Variants in CDYL2 observed in about 807,000 individuals in gnomAD.
CDYL2 encodes the protein chromodomain Y-like protein 2.
Under a neutral mutation model 49.4 loss-of-function variants are expected in CDYL2, and 23 were observed. That is an observed-to-expected ratio of 0.47 (90% CI 0.34 to 0.66). CDYL2 has a LOEUF of 0.66. Among genes scored for constraint, CDYL2 ranks in the 30% least tolerant of loss-of-function variants. The probability of loss-of-function intolerance (pLI) is 0.01; values close to 1 mark genes in which losing one functional copy is unlikely to be tolerated. For missense variants in CDYL2, 678 were observed against 656.4 expected, an observed-to-expected ratio of 1.03 and a Z score of -0.36; for synonymous variants, 360 against 268.8, an observed-to-expected ratio of 1.34 and a Z score of -3.32.
At chr16:80,763,956 G>C (rs1400563798) in intron 1 of CDYL2, among the ~76,000 whole-genome samples, 1 of 152,144 alleles carries the variant, frequency 6.6e-6, no homozygotes, top group East Asian at 1.9e-4. Flanking sequence ...AGGGGGTAGA[G>C]AGGGAAAGAG....
intron 3 of CDYL2, among the ~76,000 whole-genome samples, chr16:80,624,884 T>G (rs1121650): frequency 0.088 from 13,316 of 152,174 alleles, 1,847 homozygotes; most frequent in African/African-American, 0.3. Flanking sequence ...CCTGAAGTAA[T>G]TGACCAAAAC....
chr16:80,671,268 C>T (rs7190973), intron 2 of CDYL2, among the ~76,000 whole-genome samples: 1 of 152,012 alleles, frequency 6.6e-6, no homozygotes. Context: ...TACAGAGTTA[C>T]GGACAAGCCA....
At chr16:80,670,348 G>C (rs963037493) in intron 2 of CDYL2, among the ~76,000 whole-genome samples, 12 of 152,234 alleles carry the variant, frequency 7.9e-5, no homozygotes, top group African/African-American at 2.4e-4. Context: ...CATGAGATCT[G>C]ATGGTTTTAT....
At chr16:80,798,632 G>A (rs745749647) in intron 1 of CDYL2, among the ~76,000 whole-genome samples, 5 of 152,050 alleles carry the variant, frequency 3.3e-5, no homozygotes, top group Non-Finnish European at 5.9e-5. Flanking sequence ...TATGTTATCA[G>A]TAAGACTTCC....
At chr16:80,630,639 T>A (rs1193978316) in intron 3 of CDYL2, among the ~76,000 whole-genome samples, 2 of 152,034 alleles carry the variant, frequency 1.3e-5, no homozygotes, top group African/African-American at 4.8e-5. Context: ...ATGCTTCTGT[T>A]ACAGGCGGAG....
intron 1 of CDYL2, among the ~76,000 whole-genome samples, chr16:80,786,168 G>T (rs1486896235): frequency 1.3e-5 from 2 of 152,270 alleles, no homozygotes; most frequent in African/African-American, 2.4e-5. Flanking sequence ...TCATCACAGT[G>T]AACAGGCAAC....
At chr16:80,780,121 A>AT (rs923390280) in intron 1 of CDYL2, among the ~76,000 whole-genome samples, 4 of 152,018 alleles carry the variant, frequency 2.6e-5, no homozygotes, top group African/African-American at 9.7e-5. Flanking sequence ...TGTGACCAGA[A>AT]TTTTTTTTAA....
intron 1 of CDYL2, among the ~76,000 whole-genome samples, chr16:80,730,778 AAAG>A (rs1905300127): frequency 6.6e-6 from 1 of 152,242 alleles, no homozygotes; most frequent in Non-Finnish European, 1.5e-5. Flanking sequence ...TAGATATAAA[AAAG>A]AATGAATTAC....
Position 80,804,285 on chromosome 16 carries a change from G to GTGC in CDYL2, c.-113_-112insGCA. Reference sequence around the variant, plus strand: ...TGTGTGTGCGCGCGTGTGTGTGCGAGTGTGTGTGGTGTGTTGAGTAAACTG... The same window carrying GTGC: ...TGTGTGTGCGCGCGTGTGTGTGCGAGTGCTGTGTGTGGTGTGTTGAGTAAACTG... On this transcript the variant is annotated 5_prime_UTR_variant, in exon 1 of 7. Transcript: ENST00000570137. The GTGC allele has an allele frequency of 1.1e-6, 1 of 928,900 alleles. No homozygotes were observed. The highest frequency in any genetic ancestry group is 1.4e-6 in the Non-Finnish European group (1 of 693,724). 57.5% of individuals were successfully genotyped at this position (928,900 alleles called of 1,614,324 possible). A position where few individuals can be genotyped will look rare whatever the true frequency, so the allele number is the denominator to read the frequency against.
chr16:80,663,743 C>T (rs992812817), intron 2 of CDYL2, among the ~76,000 whole-genome samples: 3 of 152,144 alleles, frequency 2.0e-5, no homozygotes, highest in African/African-American at 7.2e-5. Flanking sequence ...CAGGCACCCA[C>T]CACCACACCC....
chr16:80,669,720 C>T (rs1352614284), intron 2 of CDYL2, among the ~76,000 whole-genome samples: 1 of 152,194 alleles, frequency 6.6e-6, no homozygotes, highest in African/African-American at 2.4e-5. Context: ...AAAGCAGAGC[C>T]TGTGTTCTCC....
intron 2 of CDYL2, among the ~76,000 whole-genome samples, chr16:80,648,831 A>G (rs1908464228): frequency 6.6e-6 from 1 of 152,198 alleles, no homozygotes; most frequent in African/African-American, 2.4e-5. Context: ...GGATACAAGC[A>G]TGGTTCAACA....
intron 1 of CDYL2, among the ~76,000 whole-genome samples, chr16:80,690,825 T>G (rs1027133804): frequency 6.6e-6 from 1 of 152,168 alleles, no homozygotes; most frequent in African/African-American, 2.4e-5. Flanking sequence ...CTCCCTCTGC[T>G]TCAATTCTTC....
At chr16:80,758,893 G>T (rs183424268) in intron 1 of CDYL2, among the ~76,000 whole-genome samples, 1 of 151,492 alleles carries the variant, frequency 6.6e-6, no homozygotes, top group Non-Finnish European at 1.5e-5. Context: ...CTAAAATTCC[G>T]AAGACTGGTT....
At chr16:80,663,985 C>T (rs1174652626) in intron 2 of CDYL2, among the ~76,000 whole-genome samples, 1 of 152,170 alleles carries the variant, frequency 6.6e-6, no homozygotes, top group Non-Finnish European at 1.5e-5. Flanking sequence ...CAAATCATGT[C>T]TCCTGCATTA....
chr16:80,739,468 A>G (rs1205715442), intron 1 of CDYL2, among the ~76,000 whole-genome samples: 1 of 152,214 alleles, frequency 6.6e-6, no homozygotes, highest in African/African-American at 2.4e-5. Flanking sequence ...TGCAAGAGCT[A>G]AAGAAAGAAA....
chr16:80,600,490 CA>C lies in CDYL2; in HGVS notation c.*3897del, dbSNP rs1443405243. The stretch of plus-strand genomic sequence containing the variant: ...CCAAATGGTTTCCCTTAAATATCTA[CA>C]AAGGCAAAGTGTAGATGTTTAAAGA... On this transcript the variant is annotated 3_prime_UTR_variant, in exon 7 of 7. Transcript: ENST00000570137. 6.6e-6 allele frequency: 1 copy of C among 152,078 alleles called. No homozygotes were observed. Among genetic ancestry groups the C allele is most frequent in the Non-Finnish European group, 1.5e-5 (1 of 68,026 alleles). 9.4% of individuals were successfully genotyped at this position (152,078 alleles called of 1,614,324 possible). A position where few individuals can be genotyped will look rare whatever the true frequency, so the allele number is the denominator to read the frequency against.
At chr16:80,634,005 C>T (rs1907697916) in intron 2 of CDYL2, among the ~76,000 whole-genome samples, 1 of 151,922 alleles carries the variant, frequency 6.6e-6, no homozygotes, top group African/African-American at 2.4e-5. Flanking sequence ...CCAACACCCC[C>T]AAACCTCCAT....
chr16:80,717,729 T>C (rs1467900437), intron 1 of CDYL2, among the ~76,000 whole-genome samples: 1 of 152,184 alleles, frequency 6.6e-6, no homozygotes, highest in African/African-American at 2.4e-5. Flanking sequence ...CCAGGATATG[T>C]AAAAGGCAGA....
Sources: allele counts gnomAD v4.1 joint callset (sites outside exome capture counted in the v4.1 genomes callset), GRCh38; gene constraint gnomAD v4.1.1; transcripts MANE v1.5; gene names NCBI Gene and HGNC (gene_info 2026-07-23, HGNC 2026-07-21).